RGPD3: variants seen among roughly 807,000 people sequenced by gnomAD.
RGPD3 encodes the protein RANBP2 like and GRIP domain containing 3.
A neutral mutation model predicts 154.5 loss-of-function variants in RGPD3; 62 were observed. The ratio of observed to expected loss-of-function variants is 0.40; its 90% CI spans 0.33 to 0.50. The LOEUF is 0.50. Among genes scored for constraint, RGPD3 ranks in the 20% least tolerant of loss-of-function variants. The pLI is 0.59. For missense variants in RGPD3, 919 were observed against 1,716.8 expected (o/e 0.54, Z 8.21); for synonymous variants, 308 against 607.0 (o/e 0.51, Z 7.24).
At chr2:106,410,155 G>T (rs559277536) in intron 22 of RGPD3, among the ~76,000 whole-genome samples, 146 of 152,052 alleles carry the variant, frequency 9.6e-4, no homozygotes, top group Middle Eastern at 3.4e-3. Flanking sequence ...GATTACAGGT[G>T]TGAGCCACCG....
At chr2:106,446,569 C>CAA (rs550745664) in intron 7 of RGPD3, among the ~76,000 whole-genome samples, 637 of 20,254 alleles carry the variant, frequency 0.031, 23 homozygotes, top group African/African-American at 0.064. Flanking sequence ...GACTCCATCT[C>CAA]AAAAAAAAAA....
chr2:106,438,095 T>A (rs1190226754), intron 9 of RGPD3, among the ~76,000 whole-genome samples: 1 of 151,708 alleles, frequency 6.6e-6, no homozygotes, highest in African/African-American at 2.4e-5. Context: ...CCCCGGATAA[T>A]TTTTGTATTT....
intron 21 of RGPD3, among the ~76,000 whole-genome samples, chr2:106,415,478 C>A (rs1676796436): frequency 1.3e-5 from 2 of 151,828 alleles, no homozygotes; most frequent in African/African-American, 4.8e-5. Flanking sequence ...GAGATCGAGA[C>A]CATCCTGGAT....
At chr2:106,446,324 C>T (rs1677928816) in intron 7 of RGPD3, among the ~76,000 whole-genome samples, 1 of 150,162 alleles carries the variant, frequency 6.7e-6, no homozygotes, top group South Asian at 2.1e-4. Flanking sequence ...TCCCAGCACT[C>T]TGGGAGGCCG....
At chr2:106,462,995 A>T (rs1381479869) in intron 1 of RGPD3, among the ~76,000 whole-genome samples, 1 of 150,024 alleles carries the variant, frequency 6.7e-6, no homozygotes, top group Non-Finnish European at 1.5e-5. Context: ...TCCAGCTTTC[A>T]GGTAAACATC....
chr2:106,446,411 C>CA (rs1297829760), intron 7 of RGPD3, among the ~76,000 whole-genome samples: 2 of 150,696 alleles, frequency 1.3e-5, no homozygotes, highest in East Asian at 2.0e-4. Flanking sequence ...ACTAAAAGTA[C>CA]AAAAAAAAAT....
rs1461428884 is a variant in RGPD3 at position 106,437,402 on chromosome 2, C to CG, written c.1277-549_1277-548insC. Among the ~76,000 whole-genome samples the CG allele has an allele frequency of 1.4e-5, 2 of 144,570 alleles. 1 individual carries two copies. The highest frequency in any genetic ancestry group is 3.0e-5 in the Non-Finnish European group (2 of 66,084). 94.8% of individuals were successfully genotyped at this position (144,570 alleles called of 152,430 possible). Reference sequence around the variant, plus strand: ...TGTCACGTGCCTATAGTCCCAGCTACATGGGAGGCTGAGGCAAGACAATTG... The same window carrying CG: ...TGTCACGTGCCTATAGTCCCAGCTACGATGGGAGGCTGAGGCAAGACAATTG... On this transcript the variant is annotated intron_variant, in intron 9 of 22. Coordinates refer to ENST00000409886, the MANE Select transcript of RGPD3 (RefSeq NM_001144013.2).
chr2:106,430,291 G>A (rs530303505), intron 17 of RGPD3, among the ~76,000 whole-genome samples: 21 of 150,398 alleles, frequency 1.4e-4, no homozygotes, highest in Middle Eastern at 3.4e-3. Context: ...TCCCATTTTC[G>A]TTAATACAAA....
intron 9 of RGPD3, among the ~76,000 whole-genome samples, chr2:106,437,542 T>C (rs1677599528): frequency 6.6e-6 from 1 of 152,050 alleles, no homozygotes; most frequent in Non-Finnish European, 1.5e-5. Context: ...AAAGAAAAGG[T>C]TATGCGCTTC....
At chr2:106,468,034 C>T (rs1264005918) in intron 1 of RGPD3, among the ~76,000 whole-genome samples, 183 bp downstream of exon 1, 1 of 145,272 alleles carries the variant, frequency 6.9e-6, no homozygotes, top group East Asian at 2.1e-4. Context: ...GGTCGGGAGC[C>T]ATGACGCCTG....
At chr2:106,441,647 G>A (rs1466154159) in intron 7 of RGPD3, among the ~76,000 whole-genome samples, 1 of 149,644 alleles carries the variant, frequency 6.7e-6, no homozygotes, top group Admixed American at 6.7e-5. Flanking sequence ...TTGAGGTCAG[G>A]AGTTCGAGAC....
chr2:106,426,717 T>C (rs1449377902), intron 18 of RGPD3, among the ~76,000 whole-genome samples: 16 of 152,266 alleles, frequency 1.1e-4, no homozygotes, highest in Admixed American at 2.0e-4. Flanking sequence ...CCCCTGTTAA[T>C]GACAAAACTA....
At chr2:106,434,196 T>G (rs748462731) in intron 15 of RGPD3, 32 bp downstream of exon 15, 1 of 1,587,812 alleles carries the variant, frequency 6.3e-7, no homozygotes, top group East Asian at 2.3e-5. Context: ...GGGTTATCAG[T>G]AAGAACGTAC....
intron 9 of RGPD3, among the ~76,000 whole-genome samples, chr2:106,438,050 C>T (rs1558849423): frequency 6.6e-6 from 1 of 152,210 alleles, no homozygotes; most frequent in Non-Finnish European, 1.5e-5. Flanking sequence ...CCTGCCTCAG[C>T]CTCCTGAGTA....
At position 106,415,878 on chromosome 2, in the gene RGPD3, G is replaced by T; in HGVS notation, c.5036C>A (p.Thr1679Asn). The change falls in exon 21 of 23, where the codon ACC (threonine) becomes AAC (asparagine). Residue 1679 changes from threonine to asparagine, a missense_variant. By Grantham distance (65) the Thr-to-Asn change is moderately conservative. Coordinates refer to ENST00000409886, the MANE Select transcript of RGPD3 (RefSeq NM_001144013.2). The stretch of plus-strand genomic sequence containing the variant: ...AATTTGCTCCATAAGGACTGCATTG[G>T]TTGCCTCTATTTCCCGAAGCAGGCC... ...LNGLLREIEA[T>N]NAVLMEQIKL... The T allele has an allele frequency of 6.2e-7, 1 of 1,611,854 alleles. No individual in the cohort carries two copies. Among genetic ancestry groups the T allele is most frequent in the Non-Finnish European group, 8.5e-7 (1 of 1,179,836 alleles).
chr2:106,424,749 T>A lies in RGPD3; in HGVS notation c.3218A>T (p.Glu1073Val), dbSNP rs773157402. The change falls in exon 20 of 23, where the codon GAG becomes GTG. Residue 1073 changes from glutamate (E) to valine (V), a missense_variant. Physicochemically the swap from Glu to Val is moderately radical, Grantham distance 121. Transcript: ENST00000409886. ...GCCCCTTTCTTTCCACTGACTTACC[T>A]CAGCATCAAATCTAAATAGTTTTAC... ...QGVKLFRFDAEVSQWKERGLG... is the reference protein window; with the variant it reads ...QGVKLFRFDAVVSQWKERGLG... 1.2e-6 allele frequency: 2 copies of A among 1,611,960 alleles called. No homozygotes were observed. Among genetic ancestry groups the A allele is most frequent in the Admixed American group, 3.3e-5 (2 of 60,012 alleles).
intron 7 of RGPD3, among the ~76,000 whole-genome samples, chr2:106,443,764 C>T (rs1407798105): frequency 8.4e-6 from 1 of 118,768 alleles, no homozygotes; most frequent in African/African-American, 3.2e-5. Flanking sequence ...GGCACGATCT[C>T]GGCTCACTGC....
chr2:106,415,873 CA>C lies in RGPD3; in HGVS notation c.5040del (p.Asn1680LysfsTer15). 1 of 1,611,918 alleles carries C rather than the reference CA, an allele frequency of 6.2e-7. No homozygotes were observed. The highest frequency in any genetic ancestry group is 8.5e-7 in the Non-Finnish European group (1 of 1,179,848). ...ACCTTAATTTGCTCCATAAGGACTGCATTGGTTGCCTCTATTTCCCGAAGCA... is the reference window on the plus strand; with the variant it reads ...ACCTTAATTTGCTCCATAAGGACTGCTTGGTTGCCTCTATTTCCCGAAGCA... ...NGLLREIEAT[N>X]AVLMEQIKLL... On this transcript the variant is annotated frameshift_variant, in exon 21 of 23. Coordinates refer to ENST00000409886, the MANE Select transcript of RGPD3 (RefSeq NM_001144013.2). LOFTEE classifies it high-confidence loss of function.
At chr2:106,435,834 GC>G (rs1219699557) in intron 12 of RGPD3, among the ~76,000 whole-genome samples, 6 of 152,292 alleles carry the variant, frequency 3.9e-5, no homozygotes, top group Admixed American at 3.9e-4. Context: ...TACCTACAAA[GC>G]CTTGTGCTAA....
Sources: allele counts gnomAD v4.1 joint callset (sites outside exome capture counted in the v4.1 genomes callset), GRCh38; gene constraint gnomAD v4.1.1; transcripts MANE v1.5; gene names NCBI Gene and HGNC (gene_info 2026-07-23, HGNC 2026-07-21).